SLC10A6: variants seen among roughly 807,000 people sequenced by gnomAD.
SLC10A6 encodes sodium-dependent organic anion transporter.
SLC10A6 carries 27 observed loss-of-function variants against 30.0 expected under a neutral mutation model. The observed-to-expected ratio is 0.90, with a 90% CI of 0.66 to 1.24. The LOEUF is 1.24. Among genes scored for constraint, SLC10A6 ranks in the 50% most tolerant of loss-of-function variants. The pLI, the probability that SLC10A6 is intolerant of heterozygous loss-of-function variation, is 0.00. For missense variants in SLC10A6, 439 were observed against 457.0 expected, an observed-to-expected ratio of 0.96 and a Z score of 0.36; for synonymous variants, 166 against 173.8, an observed-to-expected ratio of 0.95 and a Z score of 0.36.
chr4:86,834,434 T>C (rs958865259), intron 1 of SLC10A6, among the ~76,000 whole-genome samples: 1 of 152,232 alleles, frequency 6.6e-6, no homozygotes, highest in African/African-American at 2.4e-5. Context: ...GGTTTATCCA[T>C]GTTTTAACAT....
At chr4:86,825,107 TC>T (rs1471549430) in intron 5 of SLC10A6, among the ~76,000 whole-genome samples, 1 of 152,226 alleles carries the variant, frequency 6.6e-6, no homozygotes. Flanking sequence ...ACTTTGGAGC[TC>T]AATGATTGCT....
At chr4:86,840,272 T>C (rs1011682516) in intron 1 of SLC10A6, among the ~76,000 whole-genome samples, 4 of 152,136 alleles carry the variant, frequency 2.6e-5, no homozygotes, top group African/African-American at 9.7e-5. Flanking sequence ...TGGCTTCTTC[T>C]GTGTCCTCCT....
At chr4:86,826,546 CAATAAATA>C (rs71598412) in intron 4 of SLC10A6, among the ~76,000 whole-genome samples, 104,428 of 149,640 alleles carry the variant, frequency 0.7, 36,450 homozygotes, top group South Asian at 0.81. Flanking sequence ...AACGAGGTCT[CAATAAATA>C]AATAAATAAA....
At chr4:86,826,878 C>T (rs1746008995) in intron 4 of SLC10A6, among the ~76,000 whole-genome samples, 2 of 152,154 alleles carry the variant, frequency 1.3e-5, no homozygotes, top group African/African-American at 2.4e-5. Flanking sequence ...AACAAACAAG[C>T]ACCTCTGTGC....
chr4:86,828,167 A>G lies in SLC10A6; in HGVS notation c.587T>C (p.Ile196Thr), dbSNP rs113035158. 2.2e-5 allele frequency: 36 copies of G among 1,609,656 alleles called. 2 individuals carry two copies. The South Asian group carries it at 2.3e-4, about 10-fold the overall frequency. The change falls in exon 4 of 6, where the codon ATT becomes ACT. Residue 196 changes from isoleucine (I) to threonine (T), a missense_variant and splice_region_variant. By Grantham distance (89) the Ile-to-Thr change is moderately conservative (BLOSUM62 -1). Coordinates refer to ENST00000273905, the MANE Select transcript of SLC10A6 (RefSeq NM_197965.3). ...GAGGACCCCACCAACAACGGCCCCA[A>G]TCTGAAGCAAACAATAAAATAAGTG... ...WPKQSKIILK[I>T]GAVVGGVLLL...
At chr4:86,841,790 A>G (rs1291970929) in intron 1 of SLC10A6, among the ~76,000 whole-genome samples, 1 of 152,196 alleles carries the variant, frequency 6.6e-6, no homozygotes, top group Non-Finnish European at 1.5e-5. Context: ...GAAAGTATAC[A>G]CTTGCTTTCC....
At chr4:86,838,423 T>G (rs1319587643) in intron 1 of SLC10A6, among the ~76,000 whole-genome samples, 1 of 152,186 alleles carries the variant, frequency 6.6e-6, no homozygotes, top group Non-Finnish European at 1.5e-5. Context: ...GAAGAGCTCG[T>G]TAAATACTTA....
intron 3 of SLC10A6, among the ~76,000 whole-genome samples, chr4:86,831,551 A>T (rs75273940): frequency 6.6e-6 from 1 of 152,310 alleles, no homozygotes; most frequent in African/African-American, 2.4e-5. Context: ...ACACTAAATC[A>T]ATAGTTGCTT....
chr4:86,841,837 T>C lies in SLC10A6; in HGVS notation c.377+6902A>G, dbSNP rs1019678238. Among the ~76,000 whole-genome samples the C allele has an allele frequency of 3.9e-5, 6 of 152,320 alleles. No homozygotes were observed. The South Asian group carries it at 8.3e-4, about 21-fold the overall frequency. On this transcript the variant is annotated intron_variant, in intron 1 of 5. Coordinates refer to ENST00000273905, the MANE Select transcript of SLC10A6 (RefSeq NM_197965.3). ...ATAAAAAATTATCCAGCTAACCAGA[T>C]GGACACGGAGTGAGCTATAAGATCA...
At chr4:86,833,259 A>G (rs1746117039) in intron 2 of SLC10A6, 47 bp downstream of exon 2, 2 of 1,378,962 alleles carry the variant, frequency 1.5e-6, no homozygotes, top group Non-Finnish European at 2.1e-6. Context: ...TATTATTAGT[A>G]TCATCACCAT....
At chr4:86,837,285 A>AGG in intron 1 of SLC10A6, among the ~76,000 whole-genome samples, 1 of 74,246 alleles carries the variant, frequency 1.3e-5, no homozygotes, top group Non-Finnish European at 2.7e-5. Flanking sequence ...GAAAGAAAGA[A>AGG]AAAGAAAGGA....
chr4:86,823,788 A>C lies in SLC10A6; in HGVS notation c.1034T>G (p.Leu345Trp). 1.9e-6 allele frequency: 3 copies of C among 1,614,220 alleles called. No homozygotes were observed. Among genetic ancestry groups the C allele is most frequent in the Non-Finnish European group, 2.5e-6 (3 of 1,180,024 alleles). The change falls in exon 6 of 6, where the codon TTG (leucine) becomes TGG (tryptophan). Residue 345 changes from leucine (L) to tryptophan (W), a missense_variant. Physicochemically the swap from Leu to Trp is moderately conservative, Grantham distance 61 (BLOSUM62 -2). Transcript: ENST00000273905. ...GATGGCACCTTCTTCATTCACCTCC[A>C]AGAAGGCATTGGTCTCTCTGGAAGA... ...STSSRETNAF[L>W]EVNEEGAITP...
intron 1 of SLC10A6, among the ~76,000 whole-genome samples, chr4:86,839,271 T>C (rs1381693864): frequency 4.3e-5 from 3 of 69,980 alleles, no homozygotes; most frequent in Non-Finnish European, 8.2e-5. Flanking sequence ...CCCTGGTCTC[T>C]ACAAAAAAAA....
At chr4:86,848,154 A>T (rs1229488770) in intron 1 of SLC10A6, among the ~76,000 whole-genome samples, 1 of 152,198 alleles carries the variant, frequency 6.6e-6, no homozygotes, top group Non-Finnish European at 1.5e-5. Flanking sequence ...AAGAAAGAAC[A>T]ATTTTAGTCC....
intron 3 of SLC10A6, among the ~76,000 whole-genome samples, chr4:86,830,073 ATT>A (rs1184376003): frequency 6.6e-6 from 1 of 152,182 alleles, no homozygotes; most frequent in African/African-American, 2.4e-5. Context: ...CACACTGGAA[ATT>A]TTCTCCTACT....
rs34533020 is a variant in SLC10A6 at position 86,837,281 on chromosome 4, A to AAGAAAGAAAGAAAGAAAGAGAG, written c.378-3858_378-3857insCTCTCTTTCTTTCTTTCTTTCT. The stretch of plus-strand genomic sequence containing the variant: ...AAAGAAAGAAAGAAAGAAAGAAAGA[A>AAGAAAGAAAGAAAGAAAGAGAG]AGAAAAAGAAAGGAAGGAAGGAAGG... On this transcript the variant is annotated intron_variant, in intron 1 of 5. Coordinates refer to ENST00000273905, the MANE Select transcript of SLC10A6 (RefSeq NM_197965.3). Among the ~76,000 whole-genome samples the AAGAAAGAAAGAAAGAAAGAGAG allele has an allele frequency of 3.1e-4, 28 of 90,386 alleles. 2 individuals are homozygous for AAGAAAGAAAGAAAGAAAGAGAG. Among genetic ancestry groups the AAGAAAGAAAGAAAGAAAGAGAG allele is most frequent in the African/African-American group, 1.2e-3 (24 of 19,774 alleles). The allele number at this position is 90,386 out of a possible 152,430, so 59.3% of individuals were successfully genotyped here. A position where few individuals can be genotyped will look rare whatever the true frequency, so the allele number is the denominator to read the frequency against.
chr4:86,837,328 A>AGTAG (rs1746216901), intron 1 of SLC10A6, among the ~76,000 whole-genome samples: 8 of 150,214 alleles, frequency 5.3e-5, no homozygotes, highest in Admixed American at 1.3e-4. Context: ...GAAGGAAGGA[A>AGTAG]GGAAGGAAGG....
chr4:86,830,452 T>C (rs1215813255), intron 3 of SLC10A6, among the ~76,000 whole-genome samples: 2 of 152,196 alleles, frequency 1.3e-5, no homozygotes, highest in Non-Finnish European at 2.9e-5. Context: ...CTTTATTCCA[T>C]GAGTACAGCT....
At chr4:86,837,290 A>AAAGAAAGAAAAAGAAAGG (rs1746211407) in intron 1 of SLC10A6, among the ~76,000 whole-genome samples, 13 of 62,694 alleles carry the variant, frequency 2.1e-4, no homozygotes, top group South Asian at 1.1e-3. Flanking sequence ...AAAGAAAAAG[A>AAAGAAAGAAAAAGAAAGG]AAGGAAGGAA....
Sources: allele counts gnomAD v4.1 joint callset (sites outside exome capture counted in the v4.1 genomes callset), GRCh38; gene constraint gnomAD v4.1.1; transcripts MANE v1.5; gene names NCBI Gene and HGNC (gene_info 2026-07-23, HGNC 2026-07-21).